The following ANP32D variants were observed in gnomAD, a reference collection of about 807,000 sequenced individuals.
ANP32D encodes the protein acidic leucine-rich nuclear phosphoprotein 32 family member D.
In ANP32D, 6 loss-of-function variants were observed where a neutral mutation model predicts 7.8. The observed-to-expected ratio is 0.77, with a 90% CI of 0.42 to 1.52. The LOEUF (loss-of-function observed/expected upper bound fraction) is 1.52. ANP32D is among the 40% of genes most tolerant of loss of function. The probability of loss-of-function intolerance (pLI) is 0.01; values close to 1 mark genes in which losing one functional copy is unlikely to be tolerated. For synonymous variants in ANP32D, 69 were observed against 59.7 expected, an observed-to-expected ratio of 1.16 and a Z score of -0.72; for missense variants, 163 against 145.9, an observed-to-expected ratio of 1.12 and a Z score of -0.60.
In ANP32D at chr12:48,473,573, A is replaced by C. The variant is rs569925244; in HGVS notation, c.*513A>C. ...AAAGTGTACTGGGGGTTGTGAGGGA[A>C]GGGAGGGGAGGAGGGGGTGGAATAA... On this transcript the variant is annotated 3_prime_UTR_variant, in exon 1 of 1. Transcript: ENST00000266594. 3 of 302,384 alleles carry C rather than the reference A, an allele frequency of 9.9e-6. No homozygotes were observed. Among genetic ancestry groups the C allele is most frequent in the Admixed American group, 4.2e-5 (1 of 23,796 alleles). The allele number at this position is 302,384 out of a possible 1,614,324, so 18.7% of individuals were successfully genotyped here.
rs759998457 is a variant in ANP32D, at chr12:48,472,681, G to T, written c.17G>T (p.Trp6Leu). 6.2e-7 allele frequency: 1 copy of T among 1,614,118 alleles called. No homozygotes were observed. Among genetic ancestry groups the T allele is most frequent in the Non-Finnish European group, 8.5e-7 (1 of 1,180,004 alleles). ...GCGTGAGAGATGGAGATGGGCAAATGGATTCATTTAGAGCTGCGGAACAGG... is the reference window on the plus strand; with the variant it reads ...GCGTGAGAGATGGAGATGGGCAAATTGATTCATTTAGAGCTGCGGAACAGG... MEMGK[W>L]IHLELRNRTP... The change falls in exon 1 of 1, where the codon TGG becomes TTG. Residue 6 changes from tryptophan to leucine, a missense_variant. Trp to Leu is a moderately conservative substitution (Grantham distance 61, BLOSUM62 -2). Coordinates refer to ENST00000266594, the MANE Select transcript of ANP32D (RefSeq NM_012404.3).
rs1356991740 is a variant in ANP32D, at chr12:48,473,250, G to A, written c.*190G>A. The stretch of plus-strand genomic sequence containing the variant: ...AGATGAGGAGGACGAGGATGAGGAG[G>A]AGGAACGTGAAGAGGAGGACGTGAG... On this transcript the variant is annotated 3_prime_UTR_variant, in exon 1 of 1. Transcript: ENST00000266594. The A allele has an allele frequency of 9.0e-7, 1 of 1,105,344 alleles. No individual in the cohort carries two copies. Among genetic ancestry groups the A allele is most frequent in the Non-Finnish European group, 1.4e-6 (1 of 733,778 alleles). 68.5% of individuals were successfully genotyped at this position (1,105,344 alleles called of 1,614,324 possible). A position where few individuals can be genotyped will look rare whatever the true frequency, so the allele number is the denominator to read the frequency against.
chr12:48,472,895 A>T lies in ANP32D; in HGVS notation c.231A>T (p.Ser77=). Residue 77 remains serine, a synonymous_variant, in exon 1 of 1, where the codon TCA becomes TCT. Transcript: ENST00000266594. The part of the protein sequence containing the change: ...KKLELSSNRA[S]VGLEVLAEKC... ...TTGAACTAAGCAGTAACAGAGCCTC[A>T]GTGGGCCTAGAAGTATTGGCAGAAA... is the stretch of plus-strand genomic sequence containing the variant. The T allele has an allele frequency of 6.2e-7, 1 of 1,614,198 alleles. No homozygotes were observed. Among genetic ancestry groups the T allele is most frequent in the Non-Finnish European group, 8.5e-7 (1 of 1,180,034 alleles).
Position 48,473,457 on chromosome 12 carries a change from GT to G in ANP32D, c.*402del. 1.9e-6 allele frequency: 1 copy of G among 540,514 alleles called. No homozygotes were observed. 33.5% of individuals were successfully genotyped at this position (540,514 alleles called of 1,614,324 possible). A position where few individuals can be genotyped will look rare whatever the true frequency, so the allele number is the denominator to read the frequency against. On this transcript the variant is annotated 3_prime_UTR_variant, in exon 1 of 1. Transcript: ENST00000266594. ...GAAAAATTCCTTTTGTGATTTTACT[GT>G]TTTTAGCCGTATCCCCTCCCCCACT...
rs920570138 is a variant in ANP32D, at chr12:48,473,345, G to A, written c.*285G>A. ...TAGATGATGAGGAAGATGAAGAAGAGCTTGGTGAAGAAGAAAGGGGTCAGA... is the reference window on the plus strand; with the variant it reads ...TAGATGATGAGGAAGATGAAGAAGAACTTGGTGAAGAAGAAAGGGGTCAGA... On this transcript the variant is annotated 3_prime_UTR_variant, in exon 1 of 1. Coordinates refer to ENST00000266594, the MANE Select transcript of ANP32D (RefSeq NM_012404.3). The A allele has an allele frequency of 2.8e-5, 33 of 1,158,828 alleles. No homozygotes were observed. The highest frequency in any genetic ancestry group is 4.2e-5 in the Non-Finnish European group (33 of 790,450). The allele number at this position is 1,158,828 out of a possible 1,614,324, so 71.8% of individuals were successfully genotyped here. A position where few individuals can be genotyped will look rare whatever the true frequency, so the allele number is the denominator to read the frequency against.
In ANP32D at chr12:48,473,144, T is replaced by A; in HGVS notation, c.*84T>A. 2 of 1,594,878 alleles carry A rather than the reference T, an allele frequency of 1.3e-6. No individual in the cohort carries two copies. Among genetic ancestry groups the A allele is most frequent in the Non-Finnish European group, 1.7e-6 (2 of 1,163,672 alleles). On this transcript the variant is annotated 3_prime_UTR_variant, in exon 1 of 1. Coordinates refer to ENST00000266594, the MANE Select transcript of ANP32D (RefSeq NM_012404.3). ...ACAAGGAGGCCCCTAACTCGGATGG[T>A]GAGGGCTTTGTGGAGTGCCTGGATG...
Position 48,473,294 on chromosome 12 carries a change from G to A in ANP32D, c.*234G>A, listed in dbSNP as rs911802829. 1.4e-5 allele frequency: 16 copies of A among 1,115,562 alleles called. 1 individual carries two copies. In the East Asian group the frequency reaches 3.0e-4, roughly 21 times the overall value. 69.1% of individuals were successfully genotyped at this position (1,115,562 alleles called of 1,614,324 possible). A position where few individuals can be genotyped will look rare whatever the true frequency, so the allele number is the denominator to read the frequency against. ...ACGTGAGTGGAGACGAGGAGGAGAA[G>A]GATGAAGGTTATAACAATGGAGAGG... On this transcript the variant is annotated 3_prime_UTR_variant, in exon 1 of 1. Coordinates refer to ENST00000266594, the MANE Select transcript of ANP32D (RefSeq NM_012404.3).
chr12:48,473,266 A>T lies in ANP32D; in HGVS notation c.*206A>T. 3.7e-6 allele frequency: 4 copies of T among 1,077,100 alleles called. No homozygotes were observed. The highest frequency in any genetic ancestry group is 5.6e-6 in the Non-Finnish European group (4 of 710,308). 66.7% of individuals were successfully genotyped at this position (1,077,100 alleles called of 1,614,324 possible). On this transcript the variant is annotated 3_prime_UTR_variant, in exon 1 of 1. Transcript: ENST00000266594. Reference sequence around the variant, plus strand: ...GATGAGGAGGAGGAACGTGAAGAGGAGGACGTGAGTGGAGACGAGGAGGAG... The same window carrying T: ...GATGAGGAGGAGGAACGTGAAGAGGTGGACGTGAGTGGAGACGAGGAGGAG...
chr12:48,473,180 G>C lies in ANP32D; in HGVS notation c.*120G>C, dbSNP rs985750078. 1.4e-6 allele frequency: 2 copies of C among 1,401,908 alleles called. No homozygotes were observed. The highest frequency in any genetic ancestry group is 2.0e-6 in the Non-Finnish European group (2 of 989,938). The allele number at this position is 1,401,908 out of a possible 1,614,324, so 86.8% of individuals were successfully genotyped here. A position where few individuals can be genotyped will look rare whatever the true frequency, so the allele number is the denominator to read the frequency against. On this transcript the variant is annotated 3_prime_UTR_variant, in exon 1 of 1. Transcript: ENST00000266594. ...TGGAGTGCCTGGATGACAAGGAGGA[G>C]GATGAGGATGAGGAGGAGTATGATG...
rs573700742 is a variant in ANP32D, at chr12:48,473,587, G to A, written c.*527G>A. ...GTTGTGAGGGAAGGGAGGGGAGGAG[G>A]GGGTGGAATAAAATACTATTTTTAC... On this transcript the variant is annotated 3_prime_UTR_variant, in exon 1 of 1. Transcript: ENST00000266594. 1.8e-4 allele frequency: 53 copies of A among 290,084 alleles called. 1 individual carries two copies. The South Asian group carries it at 1.9e-3, about 11-fold the overall frequency. 18.0% of individuals were successfully genotyped at this position (290,084 alleles called of 1,614,324 possible).
the ANP32D span, chr12:48,472,666 TG>T: frequency 1.2e-6 from 2 of 1,613,992 alleles, no homozygotes; most frequent in African/African-American, 1.3e-5. Context: ...GCGTGAGAGA[TG>T]GAGATGGGCA....
Position 48,472,706 on chromosome 12 carries a change from G to T in ANP32D, c.42G>T (p.Arg14Ser), listed in dbSNP as rs150593500. ...GGATTCATTTAGAGCTGCGGAACAG[G>T]ACGCCCTCCGATGTGAAAGAACTTT... ...GKWIHLELRN[R>S]TPSDVKELFL... The change falls in exon 1 of 1, where the codon AGG becomes AGT. Residue 14 changes from arginine (R) to serine (S), a missense_variant. Physicochemically the swap from Arg to Ser is moderately radical, Grantham distance 110 (BLOSUM62 -1). Transcript: ENST00000266594. 1 of 1,614,176 alleles carries T rather than the reference G, an allele frequency of 6.2e-7. No homozygotes were observed. The highest frequency in any genetic ancestry group is 2.2e-5 in the East Asian group (1 of 44,884).
In ANP32D at chr12:48,472,862, TAAG is replaced by T; in HGVS notation, c.202_204del (p.Lys68del). 6.2e-7 allele frequency: 1 copy of T among 1,613,962 alleles called. No homozygotes were observed. ...CAAACTTGCCAAAGTTAAACAAACT[TAAG>T]AAGCTTGAACTAAGCAGTAACAGAG... On this transcript the variant is annotated inframe_deletion, in exon 1 of 1. Coordinates refer to ENST00000266594, the MANE Select transcript of ANP32D (RefSeq NM_012404.3).
In ANP32D at chr12:48,473,408, T is replaced by G; in HGVS notation, c.*348T>G. On this transcript the variant is annotated 3_prime_UTR_variant, in exon 1 of 1. Coordinates refer to ENST00000266594, the MANE Select transcript of ANP32D (RefSeq NM_012404.3). ...AAACTGAAGATGAGGGAGAAGACGA[T>G]GCCTAAGTGGAATAATCTATTTTGA... 9.2e-6 allele frequency: 7 copies of G among 760,700 alleles called. No homozygotes were observed. The highest frequency in any genetic ancestry group is 1.6e-5 in the Non-Finnish European group (7 of 451,134). The allele number at this position is 760,700 out of a possible 1,614,324, so 47.1% of individuals were successfully genotyped here.
At position 48,472,611 on chromosome 12, in the gene ANP32D, G is replaced by A; in HGVS notation, c.-54G>A. The A allele has an allele frequency of 1.9e-6, 3 of 1,606,234 alleles. No homozygotes were observed. Among genetic ancestry groups the A allele is most frequent in the South Asian group, 1.1e-5 (1 of 89,804 alleles). Reference sequence around the variant, plus strand: ...TCAAATGTGCGGTTGTGGGTTCGGGGTTTATTGGTTGAATTCCGCTGGCTC... The same window carrying A: ...TCAAATGTGCGGTTGTGGGTTCGGGATTTATTGGTTGAATTCCGCTGGCTC... On this transcript the variant is annotated 5_prime_UTR_variant, in exon 1 of 1. Coordinates refer to ENST00000266594, the MANE Select transcript of ANP32D (RefSeq NM_012404.3).
At position 48,473,494 on chromosome 12, in the gene ANP32D, C is replaced by CT; in HGVS notation, c.*434_*435insT. 2.4e-6 allele frequency: 1 copy of CT among 415,650 alleles called. No individual in the cohort carries two copies. The highest frequency in any genetic ancestry group is 4.6e-6 in the Non-Finnish European group (1 of 219,754). The allele number at this position is 415,650 out of a possible 1,614,324, so 25.7% of individuals were successfully genotyped here. On this transcript the variant is annotated 3_prime_UTR_variant, in exon 1 of 1. Coordinates refer to ENST00000266594, the MANE Select transcript of ANP32D (RefSeq NM_012404.3). ...ATCCCCTCCCCCACTCCAATCCTGC[C>CT]CCCTGAAACTTATTTTTTTCTGATT...
Position 48,473,476 on chromosome 12 carries a change from C to T in ANP32D, c.*416C>T. 2.1e-6 allele frequency: 1 copy of T among 469,024 alleles called. No homozygotes were observed. The allele number at this position is 469,024 out of a possible 1,614,324, so 29.1% of individuals were successfully genotyped here. Reference sequence around the variant, plus strand: ...TTTACTGTTTTTAGCCGTATCCCCTCCCCCACTCCAATCCTGCCCCCTGAA... The same window carrying T: ...TTTACTGTTTTTAGCCGTATCCCCTTCCCCACTCCAATCCTGCCCCCTGAA... On this transcript the variant is annotated 3_prime_UTR_variant, in exon 1 of 1. Transcript: ENST00000266594.
chr12:48,472,739 C>A lies in ANP32D; in HGVS notation c.75C>A (p.Asp25Glu). 2 of 1,614,120 alleles carry A rather than the reference C, an allele frequency of 1.2e-6. No individual in the cohort carries two copies. The highest frequency in any genetic ancestry group is 1.7e-6 in the Non-Finnish European group (2 of 1,180,024). Residue 25 changes from aspartate to glutamate, a missense_variant, in exon 1 of 1, where the codon GAC (aspartate) becomes GAA (glutamate). Transcript: ENST00000266594. ...TPSDVKELFL[D>E]NSQSNEGKLE... The stretch of plus-strand genomic sequence containing the variant: ...CCGATGTGAAAGAACTTTTCCTGGA[C>A]AACAGTCAGTCAAATGAAGGCAAAT...
the ANP32D span, chr12:48,473,010 G>T: frequency 1.2e-6 from 2 of 1,614,014 alleles, no homozygotes; most frequent in Non-Finnish European, 8.5e-7. Flanking sequence ...AGAAAACCTC[G>T]AGAGCTTAGA....
Sources: gnomAD v4.1 joint callset for allele counts on GRCh38, gnomAD v4.1.1 for gene constraint, MANE v1.5 for transcripts, NCBI Gene and HGNC (gene_info 2026-07-23, HGNC 2026-07-21) for gene names.